ARHGAP22: variants seen among roughly 807,000 people sequenced by gnomAD.
ARHGAP22 encodes the protein rho GTPase-activating protein 22.
ARHGAP22 carries 48 observed loss-of-function variants against 59.1 expected under a neutral mutation model. The observed-to-expected ratio is 0.81, with a 90% CI of 0.64 to 1.03. ARHGAP22 has a LOEUF of 1.03. ARHGAP22 is among the 50% of genes least tolerant of loss of function. The probability of loss-of-function intolerance (pLI) is 0.00; values close to 1 mark genes in which losing one functional copy is unlikely to be tolerated. For synonymous variants in ARHGAP22, 445 were observed against 416.4 expected (o/e 1.07, Z -0.84); for missense variants, 1,015 against 958.7 (o/e 1.06, Z -0.78).
chr10:48,570,193 G>T (rs1225781290), intron 2 of ARHGAP22, among the ~76,000 whole-genome samples: 2 of 58,212 alleles, frequency 3.4e-5, no homozygotes, highest in Non-Finnish European at 6.3e-5. Context: ...TATGTTTAAT[G>T]TGGGGAATTA....
At chr10:48,527,214 C>A (rs1221526920) in intron 3 of ARHGAP22, among the ~76,000 whole-genome samples, 1 of 150,230 alleles carries the variant, frequency 6.7e-6, no homozygotes, top group Non-Finnish European at 1.5e-5. Context: ...GATGGATGGG[C>A]AGATGGATGG....
At chr10:48,542,010 G>A (rs1375198005) in intron 3 of ARHGAP22, among the ~76,000 whole-genome samples, 2 of 152,236 alleles carry the variant, frequency 1.3e-5, no homozygotes, top group African/African-American at 4.8e-5. Flanking sequence ...CAGGGGCCGG[G>A]TGCTGGAGGG....
intron 2 of ARHGAP22, among the ~76,000 whole-genome samples, chr10:48,576,142 C>G (rs191366412): frequency 6.6e-6 from 1 of 152,230 alleles, no homozygotes; most frequent in Non-Finnish European, 1.5e-5. Flanking sequence ...CTATGCCCTA[C>G]GTCAGAGACT....
At chr10:48,525,402 T>G in intron 3 of ARHGAP22, among the ~76,000 whole-genome samples, 1 of 152,252 alleles carries the variant, frequency 6.6e-6, no homozygotes, top group East Asian at 1.9e-4. Context: ...GCAAAACCCC[T>G]TCTCTACTAA....
chr10:48,549,108 C>A (rs984521269), intron 3 of ARHGAP22, among the ~76,000 whole-genome samples: 1 of 152,216 alleles, frequency 6.6e-6, no homozygotes, highest in African/African-American at 2.4e-5. Context: ...GAATGTTTAG[C>A]CCACTAGCAC....
intron 2 of ARHGAP22, among the ~76,000 whole-genome samples, chr10:48,567,143 G>T (rs1191755505): frequency 6.6e-6 from 1 of 152,214 alleles, no homozygotes; most frequent in Non-Finnish European, 1.5e-5. Flanking sequence ...GCCAAACAGG[G>T]TGCCTGTGAC....
intron 1 of ARHGAP22, chr10:48,652,133 C>A: frequency 8.7e-7 from 1 of 1,147,766 alleles, no homozygotes. Flanking sequence ...CTGGTGCTCT[C>A]AGCCACAAGA....
At chr10:48,504,786 A>C (rs1589805864) in intron 3 of ARHGAP22, among the ~76,000 whole-genome samples, 1 of 152,034 alleles carries the variant, frequency 6.6e-6, no homozygotes, top group Non-Finnish European at 1.5e-5. Context: ...ATGGGCTGGG[A>C]TGCAGGTGGT....
At chr10:48,536,079 G>A (rs1292458384) in intron 3 of ARHGAP22, among the ~76,000 whole-genome samples, 1 of 152,208 alleles carries the variant, frequency 6.6e-6, no homozygotes, top group Non-Finnish European at 1.5e-5. Flanking sequence ...GTTGGGGTGG[G>A]GAAGGTCCCT....
chr10:48,563,721 C>G (rs1419917790), intron 2 of ARHGAP22, among the ~76,000 whole-genome samples: 1 of 152,102 alleles, frequency 6.6e-6, no homozygotes, highest in African/African-American at 2.4e-5. Flanking sequence ...GATCTAAATA[C>G]AGATCACATA....
At chr10:48,652,279 G>A (rs1437325656) in exon 1 of ARHGAP22, 1 of 1,535,698 alleles carries the variant, frequency 6.5e-7, no homozygotes, top group Non-Finnish European at 8.7e-7. Flanking sequence ...GAAGCTGTCG[G>A]CAGCATAATG....
chr10:48,491,142 C>G (rs768026747), intron 3 of ARHGAP22, among the ~76,000 whole-genome samples: 9 of 152,176 alleles, frequency 5.9e-5, no homozygotes, highest in Non-Finnish European at 1.0e-4. Flanking sequence ...CTCAACATCC[C>G]CCAGCAGGCC....
rs569594964 is a variant in ARHGAP22, at chr10:48,453,991, C to T, written c.866+97G>A. 28 of 1,301,794 alleles carry T rather than the reference C, an allele frequency of 2.2e-5. No homozygotes were observed. The South Asian group carries it at 2.2e-4, about 10-fold the overall frequency. 80.6% of individuals were successfully genotyped at this position (1,301,794 alleles called of 1,614,324 possible). On this transcript the variant is annotated intron_variant, in intron 7 of 9. Coordinates refer to ENST00000249601, the MANE Select transcript of ARHGAP22 (RefSeq NM_021226.4). ...TGCAGGGTGGGGAATGACCCGGGCC[C>T]CCCTCTGACAAGGAAGAGTTGCGTG...
At chr10:48,576,673 C>T (rs145293652) in intron 2 of ARHGAP22, among the ~76,000 whole-genome samples, 128 of 152,314 alleles carry the variant, frequency 8.4e-4, no homozygotes, top group African/African-American at 2.6e-3. Context: ...GAGTTCTACA[C>T]GGCTTATCAT....
intron 3 of ARHGAP22, among the ~76,000 whole-genome samples, chr10:48,548,987 G>A (rs1267802453): frequency 6.6e-6 from 1 of 152,204 alleles, no homozygotes; most frequent in Non-Finnish European, 1.5e-5. Flanking sequence ...TACTTAGCTT[G>A]TCAGAGTCCC....
intron 5 of ARHGAP22, among the ~76,000 whole-genome samples, chr10:48,455,347 A>G (rs2046386315): frequency 6.6e-6 from 1 of 152,180 alleles, no homozygotes. Flanking sequence ...ACGACTAAGT[A>G]TCCATGGCCA....
rs567083191 is a variant in ARHGAP22 at position 48,558,019 on chromosome 10, G to C, written c.235-2469C>G. Among the ~76,000 whole-genome samples, 76 of 152,340 alleles carry C rather than the reference G, an allele frequency of 5.0e-4. 1 individual carries two copies. The highest frequency in any genetic ancestry group is 1.8e-3 in the African/African-American group (73 of 41,572). ...ACCCCAGGGCTTGTTAAAACACAGA[G>C]AGTCTGGTGTTTTGGTGGTGTTTAA... is the stretch of plus-strand genomic sequence containing the variant. On this transcript the variant is annotated intron_variant, in intron 2 of 9. Coordinates refer to ENST00000249601, the MANE Select transcript of ARHGAP22 (RefSeq NM_021226.4).
chr10:48,623,017 T>G (rs1023617342), intron 1 of ARHGAP22, among the ~76,000 whole-genome samples: 1 of 152,196 alleles, frequency 6.6e-6, no homozygotes, highest in African/African-American at 2.4e-5. Context: ...TAATACAACC[T>G]AGTTAATTTT....
At chr10:48,643,649 T>A (rs2062157131) in intron 1 of ARHGAP22, among the ~76,000 whole-genome samples, 2 of 151,596 alleles carry the variant, frequency 1.3e-5, no homozygotes, top group Admixed American at 6.6e-5. Context: ...ATATACCTAA[T>A]GTAAATGACG....
Sources: gnomAD v4.1 joint callset for allele counts (sites outside exome capture counted in the v4.1 genomes callset) on GRCh38, gnomAD v4.1.1 for gene constraint, MANE v1.5 for transcripts, NCBI Gene and HGNC (gene_info 2026-07-23, HGNC 2026-07-21) for gene names.